WFDC10B: variants seen among roughly 807,000 people sequenced by gnomAD.
WFDC10B encodes WAP four-disulfide core domain 10B.
WFDC10B carries 1 observed loss-of-function variant against 2.7 expected under a neutral mutation model. The ratio of observed to expected loss-of-function variants is 0.38; its 90% CI spans 0.13 to 1.79. WFDC10B has a LOEUF of 1.79. WFDC10B is among the 40% of genes most tolerant of loss of function. The pLI is 0.33. For missense variants in WFDC10B, 71 were observed against 87.8 expected (o/e 0.81, Z 0.76); for synonymous variants, 26 against 32.2 (o/e 0.81, Z 0.65).
intron 2 of WFDC10B, among the ~76,000 whole-genome samples, chr20:45,694,191 C>T (rs1462410312): frequency 6.6e-6 from 1 of 152,150 alleles, no homozygotes; most frequent in Admixed American, 6.5e-5. Context: ...GTGATTTTGT[C>T]ATGAAATCTT....
At chr20:45,702,128 A>C (rs1984186770) in intron 2 of WFDC10B, 9 of 1,612,880 alleles carry the variant, frequency 5.6e-6, no homozygotes, top group African/African-American at 1.3e-5. Flanking sequence ...GACACCATGA[A>C]GCCTGTGCTG....
intron 2 of WFDC10B, among the ~76,000 whole-genome samples, chr20:45,686,968 A>G (rs971901028): frequency 2.0e-5 from 3 of 152,124 alleles, no homozygotes; most frequent in African/African-American, 7.2e-5. Context: ...GCCTAATTAT[A>G]AATTATTCTT....
chr20:45,698,678 C>A (rs1984050317), intron 2 of WFDC10B, among the ~76,000 whole-genome samples: 1 of 151,718 alleles, frequency 6.6e-6, no homozygotes, highest in African/African-American at 2.4e-5. Flanking sequence ...AAAATATGCT[C>A]AATATCGGCT....
intron 2 of WFDC10B, among the ~76,000 whole-genome samples, chr20:45,702,954 G>A (rs1461231645): frequency 1.3e-5 from 2 of 152,184 alleles, no homozygotes; most frequent in Non-Finnish European, 2.9e-5. Context: ...TGTCTGGGGA[G>A]GCTAGGTCCT....
At chr20:45,685,845 G>T (rs1037164142) in intron 3 of WFDC10B, 57 bp downstream of exon 3, 3 of 1,599,192 alleles carry the variant, frequency 1.9e-6, no homozygotes, top group Non-Finnish European at 2.6e-6. Flanking sequence ...ACTGGACACA[G>T]CTCCTCCATT....
intron 2 of WFDC10B, among the ~76,000 whole-genome samples, chr20:45,691,380 C>T (rs962249488): frequency 1.3e-5 from 2 of 150,696 alleles, no homozygotes; most frequent in African/African-American, 4.9e-5. Flanking sequence ...GAGTTCAATT[C>T]CTGGGTATCC....
intron 3 of WFDC10B, among the ~76,000 whole-genome samples, 189 bp downstream of exon 3, chr20:45,685,710 CACT>C (rs976304442): frequency 2.0e-5 from 3 of 152,208 alleles, no homozygotes; most frequent in African/African-American, 7.2e-5. Context: ...CCTTCATTCC[CACT>C]ACTATTCCCA....
At chr20:45,702,689 C>T (rs1390937094) in intron 2 of WFDC10B, among the ~76,000 whole-genome samples, 1 of 152,148 alleles carries the variant, frequency 6.6e-6, no homozygotes, top group East Asian at 1.9e-4. Context: ...GAAGTCTTGC[C>T]TTTTATTCCA....
chr20:45,702,334 ATTG>A, intron 2 of WFDC10B: 1 of 993,608 alleles, frequency 1.0e-6, no homozygotes. Context: ...CCCAAGCTTT[ATTG>A]TTGGCAAGAT....
Position 45,686,670 on chromosome 20 carries a change from C to CT in WFDC10B, c.-64-615dup, listed in dbSNP as rs533781458. On this transcript the variant is annotated intron_variant, in intron 2 of 3. Coordinates refer to ENST00000330523, the MANE Select transcript of WFDC10B (RefSeq NM_172006.2). The stretch of plus-strand genomic sequence containing the variant: ...ATGGATGTGTTCATTATAAATTCTT[C>CT]TTTTTTTTTTTTTAGACAGAGTCTC... 8.2e-3 allele frequency among the ~76,000 whole-genome samples: 1,181 copies of CT among 143,418 alleles called. 9 individuals are homozygous for CT. The highest frequency in any genetic ancestry group is 0.026 in the African/African-American group (1,005 of 39,232). 94.1% of individuals were successfully genotyped at this position (143,418 alleles called of 152,430 possible). A position where few individuals can be genotyped will look rare whatever the true frequency, so the allele number is the denominator to read the frequency against.
rs573083499 is a variant in WFDC10B at position 45,685,922 on chromosome 20, C to T, written c.71G>A (p.Arg24His). The change falls in exon 3 of 4, where the codon CGT (arginine) becomes CAT (histidine). Residue 24 changes from arginine to histidine, a missense_variant. Physicochemically the swap from Arg to His is conservative, Grantham distance 29. Coordinates refer to ENST00000330523, the MANE Select transcript of WFDC10B (RefSeq NM_172006.2). Reference protein sequence around the residue: ...VLLLQAQGGYRDKMRMQRIKV... With the variant: ...VLLLQAQGGYHDKMRMQRIKV... ...CCTACTCTGCATCCTCATCTTGTCA[C>T]GGTATCCTCCCTGGGCCTGCAGCAG... 86 of 1,614,124 alleles carry T rather than the reference C, an allele frequency of 5.3e-5. No individual in the cohort carries two copies. Among genetic ancestry groups the T allele is most frequent in the South Asian group, 4.9e-4 (45 of 91,068 alleles).
At chr20:45,685,546 C>G (rs1165102219) in intron 3 of WFDC10B, among the ~76,000 whole-genome samples, 1 of 152,144 alleles carries the variant, frequency 6.6e-6, no homozygotes, top group Non-Finnish European at 1.5e-5. Context: ...CCCTCATAAC[C>G]ACTTCTAGAT....
At chr20:45,699,162 C>T (rs1984071119) in intron 2 of WFDC10B, among the ~76,000 whole-genome samples, 1 of 152,124 alleles carries the variant, frequency 6.6e-6, no homozygotes, top group Non-Finnish European at 1.5e-5. Flanking sequence ...TTGGAACCCT[C>T]GTGCATAGCT....
intron 2 of WFDC10B, among the ~76,000 whole-genome samples, chr20:45,695,272 GAATTA>G (rs1983942786): frequency 6.6e-6 from 1 of 152,154 alleles, no homozygotes; most frequent in Non-Finnish European, 1.5e-5. Flanking sequence ...GTTAGTGTCA[GAATTA>G]AATTAAATTT....
At chr20:45,684,986 A>G in intron 3 of WFDC10B, 26 bp from the exon 4 acceptor site, 1 of 1,613,240 alleles carries the variant, frequency 6.2e-7, no homozygotes, top group Non-Finnish European at 8.5e-7. Flanking sequence ...AGCAGGGTCA[A>G]TGAAACCATG....
At chr20:45,697,379 A>ATCT (rs1984008391) in intron 2 of WFDC10B, among the ~76,000 whole-genome samples, 1 of 114,010 alleles carries the variant, frequency 8.8e-6, no homozygotes, top group East Asian at 2.7e-4. Flanking sequence ...ACATCCCATC[A>ATCT]TTTTTTTTTT....
At chr20:45,689,571 G>A (rs1178999270) in intron 2 of WFDC10B, among the ~76,000 whole-genome samples, 2 of 152,078 alleles carry the variant, frequency 1.3e-5, no homozygotes, top group Admixed American at 1.3e-4. Context: ...CTTTTAAGTT[G>A]GATTCCTAGG....
At position 45,699,763 on chromosome 20, in the gene WFDC10B, CT is replaced by C. The variant is rs565199484; in HGVS notation, c.-65+4733del. On this transcript the variant is annotated intron_variant, in intron 2 of 3. Transcript: ENST00000330523. ...GCTTGATCTTGGCTCACTGCAACCT[CT>C]GCCTCCCGGGTTCAAGCGATTCTTC... Among the ~76,000 whole-genome samples the C allele has an allele frequency of 3.2e-3, 484 of 152,336 alleles. 4 individuals are homozygous for C. Among genetic ancestry groups the C allele is most frequent in the African/African-American group, 0.011 (447 of 41,570 alleles).
intron 2 of WFDC10B, among the ~76,000 whole-genome samples, chr20:45,700,457 A>G (rs554434570): frequency 6.6e-6 from 1 of 152,362 alleles, no homozygotes; most frequent in South Asian, 2.1e-4. Context: ...TACCTTAAAA[A>G]TAGCAAACTA....
Sources: gnomAD v4.1 joint callset for allele counts (sites outside exome capture counted in the v4.1 genomes callset) on GRCh38, gnomAD v4.1.1 for gene constraint, MANE v1.5 for transcripts, NCBI Gene and HGNC (gene_info 2026-07-23, HGNC 2026-07-21) for gene names.